The following GRIK1 variants were observed in gnomAD, a reference collection of about 807,000 sequenced individuals.
GRIK1 encodes glutamate receptor ionotropic, kainate 1.
GRIK1 carries 69 observed loss-of-function variants against 105.7 expected under a neutral mutation model. The observed-to-expected ratio is 0.65, with a 90% CI of 0.54 to 0.80. GRIK1 has a LOEUF of 0.80. Among genes scored for constraint, GRIK1 ranks in the 30% least tolerant of loss-of-function variants. The pLI, the probability that GRIK1 is intolerant of heterozygous loss-of-function variation, is 0.00. For synonymous variants in GRIK1, 438 were observed against 431.3 expected (o/e 1.02, Z -0.19); for missense variants, 1,109 against 1,167.3 (o/e 0.95, Z 0.73).
In GRIK1 at chr21:29,596,114, G is replaced by A. The variant is rs1160383577; in HGVS notation, c.1251+412C>T. The A allele has an allele frequency of 9.2e-6, 3 of 326,870 alleles. No individual in the cohort carries two copies. In the Admixed American group the frequency reaches 1.3e-4, roughly 14 times the overall value. The allele number at this position is 326,870 out of a possible 1,614,324, so 20.2% of individuals were successfully genotyped here. A position where few individuals can be genotyped will look rare whatever the true frequency, so the allele number is the denominator to read the frequency against. ...GGAGGTGTCCTAGCCTTCTGAGGCT[G>A]TAGCCTATCTGACTAGTCTCATGGA... On this transcript the variant is annotated intron_variant, in intron 9 of 17. Transcript: ENST00000327783.
intron 15 of GRIK1, among the ~76,000 whole-genome samples, chr21:29,560,790 C>T (rs890054209): frequency 3.3e-5 from 5 of 151,510 alleles, no homozygotes; most frequent in South Asian, 2.1e-4. Context: ...TTAGTAGAGA[C>T]GGGGTTTCAC....
chr21:29,939,367 C>T lies in GRIK1; in HGVS notation c.118+16G>A, dbSNP rs760685922. Reference sequence around the variant, plus strand: ...CCGACCACGTCTCCCGAGCAGGCAGCCTGGGGCTCACTCACCGATCCTGAG... The same window carrying T: ...CCGACCACGTCTCCCGAGCAGGCAGTCTGGGGCTCACTCACCGATCCTGAG... On this transcript the variant is annotated intron_variant, in intron 1 of 17. Coordinates refer to ENST00000327783, the MANE Select transcript of GRIK1 (RefSeq NM_001330994.2). 13 of 1,405,980 alleles carry T rather than the reference C, an allele frequency of 9.2e-6. No homozygotes were observed. The Admixed American group carries it at 2.6e-4, about 28-fold the overall frequency. The allele number at this position is 1,405,980 out of a possible 1,614,324, so 87.1% of individuals were successfully genotyped here.
At chr21:29,742,264 A>T (rs1421885800) in intron 1 of GRIK1, among the ~76,000 whole-genome samples, 2 of 151,618 alleles carry the variant, frequency 1.3e-5, no homozygotes, top group East Asian at 3.9e-4. Context: ...TTCCAAACTC[A>T]AACTGAGTGT....
intron 1 of GRIK1, among the ~76,000 whole-genome samples, chr21:29,826,656 T>C (rs423418): frequency 0.39 from 58,934 of 151,770 alleles, 12,497 homozygotes; most frequent in East Asian, 0.7. Flanking sequence ...CATGTGTGTG[T>C]GTGTGTGTGA....
intron 1 of GRIK1, among the ~76,000 whole-genome samples, chr21:29,786,117 T>C (rs961287313): frequency 2.6e-5 from 4 of 152,166 alleles, no homozygotes; most frequent in African/African-American, 4.8e-5. Context: ...GCCTCCGGAG[T>C]AGCTGGGATT....
intron 4 of GRIK1, among the ~76,000 whole-genome samples, chr21:29,669,592 C>T (rs2063125952): frequency 6.6e-6 from 1 of 152,162 alleles, no homozygotes; most frequent in Non-Finnish European, 1.5e-5. Context: ...CACATGGCAG[C>T]CTAGCCAGGC....
rs575934215 is a variant in GRIK1, at chr21:29,691,416, G to GA, written c.287-1432dup. Among the ~76,000 whole-genome samples the GA allele has an allele frequency of 2.0e-5, 3 of 152,256 alleles. No homozygotes were observed. In the South Asian group the frequency reaches 6.2e-4, roughly 32 times the overall value. ...TACCTTAGCTCTTATATTTTTCTCT[G>GA]AATCTTGTGCTACTTTCTAAGAGTA... On this transcript the variant is annotated intron_variant, in intron 2 of 17. Transcript: ENST00000327783.
intron 1 of GRIK1, among the ~76,000 whole-genome samples, chr21:29,895,843 C>T (rs557026676): frequency 6.6e-6 from 1 of 152,162 alleles, no homozygotes; most frequent in Non-Finnish European, 1.5e-5. Context: ...TTTTCACATA[C>T]GTGAAATTCA....
intron 1 of GRIK1, among the ~76,000 whole-genome samples, chr21:29,827,975 A>ATCTCTCTCTCTCTCTC (rs71335097): frequency 3.5e-5 from 4 of 113,502 alleles, no homozygotes; most frequent in African/African-American, 9.2e-5. Flanking sequence ...TATAGTTAGG[A>ATCTCTCTCTCTCTCTC]TCTCTCTCTC....
chr21:29,554,794 G>T (rs142941114), intron 16 of GRIK1, among the ~76,000 whole-genome samples: 2 of 152,168 alleles, frequency 1.3e-5, no homozygotes, highest in African/African-American at 4.8e-5. Context: ...ACTGAGTTTG[G>T]AATTTCTGCA....
At chr21:29,675,589 G>C (rs149443749) in intron 3 of GRIK1, among the ~76,000 whole-genome samples, 25 of 152,098 alleles carry the variant, frequency 1.6e-4, no homozygotes, top group African/African-American at 6.0e-4. Flanking sequence ...ATTTTTATGG[G>C]AAAACATTTG....
intron 4 of GRIK1, among the ~76,000 whole-genome samples, chr21:29,663,267 G>A (rs1297969467): frequency 3.3e-5 from 5 of 152,152 alleles, no homozygotes; most frequent in Non-Finnish European, 5.9e-5. Flanking sequence ...CCAAATAAAA[G>A]CATATGGTTA....
chr21:29,903,344 C>CAACT (rs1449649181), intron 1 of GRIK1, among the ~76,000 whole-genome samples: 6 of 152,144 alleles, frequency 3.9e-5, no homozygotes, highest in Non-Finnish European at 7.3e-5. Context: ...AGTGAACAGG[C>CAACT]AACTTACAGA....
intron 3 of GRIK1, among the ~76,000 whole-genome samples, chr21:29,681,046 T>A (rs2063364374): frequency 1.3e-5 from 2 of 152,122 alleles, no homozygotes; most frequent in Non-Finnish European, 2.9e-5. Context: ...AGCAGAATAA[T>A]TGCTTGAACA....
chr21:29,792,826 AGCTCTTAC>A lies in GRIK1; in HGVS notation c.119-98771_119-98764del, dbSNP rs1326420460. Among the ~76,000 whole-genome samples the A allele has an allele frequency of 1.6e-4, 24 of 152,340 alleles. No individual in the cohort carries two copies. In the South Asian group the frequency reaches 2.7e-3, roughly 17 times the overall value. On this transcript the variant is annotated intron_variant, in intron 1 of 17. Transcript: ENST00000327783. ...TACAAACGTAAACAACCTCATTAGC[AGCTCTTAC>A]CAAATGTAAATGTATAGCACGAAGA...
chr21:29,839,400 C>A (rs749211325), intron 1 of GRIK1, among the ~76,000 whole-genome samples: 24 of 151,876 alleles, frequency 1.6e-4, no homozygotes, highest in Admixed American at 1.6e-3. Context: ...TAAAGTTACT[C>A]AAAATATTTG....
At chr21:29,757,378 T>C (rs546627111) in intron 1 of GRIK1, among the ~76,000 whole-genome samples, 1 of 152,316 alleles carries the variant, frequency 6.6e-6, no homozygotes, top group African/African-American at 2.4e-5. Context: ...ATTTCTCACA[T>C]AGTGCTAATA....
intron 1 of GRIK1, among the ~76,000 whole-genome samples, chr21:29,846,469 GAAAGAAAGAAAGAAAGAA>G: frequency 2.1e-5 from 1 of 48,322 alleles, no homozygotes. Context: ...GAGAGAGAAA[GAAAGAAAGAAAGAAAGAA>G]AGAAAGAAAG....
intron 1 of GRIK1, among the ~76,000 whole-genome samples, chr21:29,756,211 C>G (rs1375694610): frequency 6.6e-6 from 1 of 152,158 alleles, no homozygotes. Context: ...GAAACCCCGT[C>G]TCTACTAAAA....
Sources: allele counts gnomAD v4.1 joint callset (sites outside exome capture counted in the v4.1 genomes callset), GRCh38; gene constraint gnomAD v4.1.1; transcripts MANE v1.5; gene names NCBI Gene and HGNC (gene_info 2026-07-23, HGNC 2026-07-21).